ADGRV1: variants seen among roughly 807,000 people sequenced by gnomAD.
The protein encoded by ADGRV1 is G-protein coupled receptor 98.
A neutral mutation model predicts 596.2 loss-of-function variants in ADGRV1; 359 were observed. That is an observed-to-expected ratio of 0.60 (90% CI 0.55 to 0.66). The LOEUF is 0.66. Among genes scored for constraint, ADGRV1 ranks in the 30% least tolerant of loss-of-function variants. ADGRV1 has a pLI of 0.00. For missense variants in ADGRV1, 7,274 were observed against 7,575.6 expected (o/e 0.96, Z 1.48); for synonymous variants, 2,681 against 2,679.2 (o/e 1.00, Z -0.02).
chr5:91,017,169 A>G (rs1054991170), intron 85 of ADGRV1, among the ~76,000 whole-genome samples: 6 of 151,922 alleles, frequency 3.9e-5, no homozygotes, highest in Admixed American at 2.0e-4. Flanking sequence ...TAAACTTTCA[A>G]TTTTGACATA....
rs544189878 is a variant in ADGRV1, at chr5:91,105,932, T to C, written c.18432+3592T>C. Among the ~76,000 whole-genome samples, 346 of 151,004 alleles carry C rather than the reference T, an allele frequency of 2.3e-3. 1 individual carries two copies. Among genetic ancestry groups the C allele is most frequent in the Non-Finnish European group, 3.7e-3 (247 of 67,664 alleles). On this transcript the variant is annotated intron_variant, in intron 87 of 89. Transcript: ENST00000405460. The stretch of plus-strand genomic sequence containing the variant: ...TTATAATTTTATAAATAGATTCTTA[T>C]TATATTTATAAACCTTTTATTTATA...
chr5:90,709,562 G>C (rs747617076), intron 39 of ADGRV1, among the ~76,000 whole-genome samples: 8 of 152,214 alleles, frequency 5.3e-5, no homozygotes, highest in Admixed American at 2.0e-4. Flanking sequence ...AGGAGTGCTG[G>C]ACAGGGGAAA....
At chr5:91,124,651 A>T (rs1793597946) in intron 87 of ADGRV1, among the ~76,000 whole-genome samples, 1 of 152,226 alleles carries the variant, frequency 6.6e-6, no homozygotes. Context: ...ATAGAAAAAA[A>T]TGACAGATGG....
chr5:90,920,788 T>C (rs1264742736), intron 83 of ADGRV1, among the ~76,000 whole-genome samples: 1 of 152,216 alleles, frequency 6.6e-6, no homozygotes, highest in Non-Finnish European at 1.5e-5. Context: ...CATTCCATTT[T>C]TTAAAAATCT....
At chr5:91,119,304 A>G (rs545918834) in intron 87 of ADGRV1, among the ~76,000 whole-genome samples, 2 of 152,320 alleles carry the variant, frequency 1.3e-5, no homozygotes, top group South Asian at 4.1e-4. Context: ...GGAATCATAC[A>G]TAGGCAACTG....
At chr5:91,095,348 C>G (rs1177646706) in intron 86 of ADGRV1, among the ~76,000 whole-genome samples, 1 of 151,968 alleles carries the variant, frequency 6.6e-6, no homozygotes, top group African/African-American at 2.4e-5. Flanking sequence ...TACAGGCATG[C>G]GCTTCCACAC....
chr5:90,789,931 C>T, intron 69 of ADGRV1, 80 bp downstream of exon 69: 1 of 1,036,248 alleles, frequency 9.7e-7, no homozygotes, highest in South Asian at 4.4e-5. Flanking sequence ...ACTGCATGTT[C>T]TAGTTAATTA....
chr5:90,902,198 GTTA>G (rs1561916645), intron 83 of ADGRV1, among the ~76,000 whole-genome samples: 1 of 152,086 alleles, frequency 6.6e-6, no homozygotes. Context: ...AATTATCCAC[GTTA>G]TTTCTACCTT....
chr5:90,750,522 C>T (rs1381768442), intron 52 of ADGRV1, 29 bp from the exon 53 acceptor site: 8 of 1,561,400 alleles, frequency 5.1e-6, no homozygotes, highest in Non-Finnish European at 6.1e-6. Context: ...TTCAGGGAAC[C>T]CCTTGTGACT....
At chr5:91,138,393 T>G (rs1158882642) in intron 87 of ADGRV1, among the ~76,000 whole-genome samples, 3 of 152,194 alleles carry the variant, frequency 2.0e-5, no homozygotes. Context: ...AAATACGAAC[T>G]TGGTTTCCTT....
At chr5:91,015,076 G>C (rs994169334) in intron 85 of ADGRV1, among the ~76,000 whole-genome samples, 3 of 151,950 alleles carry the variant, frequency 2.0e-5, no homozygotes, top group African/African-American at 4.8e-5. Context: ...CTGGCATTTT[G>C]TATCTTTGTT....
chr5:90,927,572 T>A (rs1467780584), intron 83 of ADGRV1, among the ~76,000 whole-genome samples: 1 of 152,170 alleles, frequency 6.6e-6, no homozygotes, highest in African/African-American at 2.4e-5. Context: ...CACTGATGGG[T>A]CCTGACTCTA....
At chr5:90,757,682 G>A (rs906692411) in intron 57 of ADGRV1, among the ~76,000 whole-genome samples, 4 of 152,114 alleles carry the variant, frequency 2.6e-5, no homozygotes, top group Non-Finnish European at 1.5e-5. Flanking sequence ...CAATATTCTA[G>A]ATTTAGGCTA....
At chr5:90,608,149 A>G (rs1168251010) in intron 1 of ADGRV1, among the ~76,000 whole-genome samples, 1 of 152,118 alleles carries the variant, frequency 6.6e-6, no homozygotes, top group East Asian at 1.9e-4. Flanking sequence ...TAATTAAGAT[A>G]TAAGGAATAA....
intron 85 of ADGRV1, among the ~76,000 whole-genome samples, chr5:91,056,940 T>G (rs1461583666): frequency 6.6e-6 from 1 of 152,192 alleles, no homozygotes; most frequent in African/African-American, 2.4e-5. Flanking sequence ...CAGCAAGTAA[T>G]AAGTCATTAG....
chr5:90,993,530 G>C (rs78353640), intron 85 of ADGRV1, among the ~76,000 whole-genome samples: 10,876 of 152,146 alleles, frequency 0.071, 532 homozygotes, highest in East Asian at 0.22. Flanking sequence ...TTTTTTTCAA[G>C]ATTAGATGGA....
chr5:90,614,089 C>T (rs1763038650), intron 1 of ADGRV1: 1 of 216,676 alleles, frequency 4.6e-6, no homozygotes, highest in African/African-American at 2.5e-5. Flanking sequence ...CTTTGGAAAG[C>T]ACTTGAATCC....
In ADGRV1 at chr5:91,100,126, T is replaced by TAA. The variant is rs199498932; in HGVS notation, c.18311-2091_18311-2090dup. ...TGCTAGGGACAACTTGGCATCGAAA[T>TAA]AAACAATGATAGTGGCCGGGTACCA... On this transcript the variant is annotated intron_variant, in intron 86 of 89. Coordinates refer to ENST00000405460, the MANE Select transcript of ADGRV1 (RefSeq NM_032119.4). Among the ~76,000 whole-genome samples the TAA allele has an allele frequency of 8.3e-3, 1,264 of 152,162 alleles. 4 individuals are homozygous for TAA. The highest frequency in any genetic ancestry group is 0.024 in the Middle Eastern group (7 of 294).
rs1203873933 is a variant in ADGRV1 at position 90,855,742 on chromosome 5, T to C, written c.17596T>C (p.Trp5866Arg). ...CLLWNQAAAS[W>R]LSDSQFCKVV... ...ATGACTATTGTGTTTTTGCCCTAGC[T>C]GGTTGTCTGACAGTCAGTTTTGCAA... Residue 5866 changes from tryptophan (W) to arginine (R), a missense_variant and splice_region_variant, in exon 82 of 90, where the codon TGG (tryptophan) becomes CGG (arginine). Coordinates refer to ENST00000405460, the MANE Select transcript of ADGRV1 (RefSeq NM_032119.4). 1.3e-6 allele frequency: 2 copies of C among 1,569,858 alleles called. No individual in the cohort carries two copies. The highest frequency in any genetic ancestry group is 1.7e-6 in the Non-Finnish European group (2 of 1,156,476).
Sources: gnomAD v4.1 joint callset for allele counts (sites outside exome capture counted in the v4.1 genomes callset) on GRCh38, gnomAD v4.1.1 for gene constraint, MANE v1.5 for transcripts, NCBI Gene and HGNC (gene_info 2026-07-23, HGNC 2026-07-21) for gene names.